Variants in SLC7A8 observed in about 807,000 individuals in gnomAD.
SLC7A8 encodes the protein solute carrier family 7 member 8, also known as large neutral amino acids transporter small subunit 2.
Under a neutral mutation model 51.2 loss-of-function variants are expected in SLC7A8, and 30 were observed. The ratio of observed to expected loss-of-function variants is 0.59; its 90% CI spans 0.44 to 0.80. The LOEUF (loss-of-function observed/expected upper bound fraction) is 0.80, where lower values mean the gene tolerates loss of function less well. Ranked by LOEUF, SLC7A8 falls within the 30% of genes least tolerant of loss-of-function variation. SLC7A8 has a pLI of 0.00. For synonymous variants in SLC7A8, 257 were observed against 275.8 expected (o/e 0.93, Z 0.67); for missense variants, 612 against 674.4 (o/e 0.91, Z 1.03).
At chr14:23,138,064 C>T in intron 6 of SLC7A8, 40 bp from the exon 7 acceptor site, 2 of 1,610,464 alleles carry the variant, frequency 1.2e-6, no homozygotes, top group Non-Finnish European at 1.7e-6. Flanking sequence ...GGAGAGGTCA[C>T]CACTCCCCGA....
chr14:23,169,172 G>T (rs2048963997), intron 1 of SLC7A8, among the ~76,000 whole-genome samples: 1 of 152,100 alleles, frequency 6.6e-6, no homozygotes, highest in Non-Finnish European at 1.5e-5. Context: ...GATATAGGGA[G>T]ATCCTATCTC....
At chr14:23,155,384 CTCTCTTCCCCTTCCT>C (rs1566368130) in intron 3 of SLC7A8, 1 of 1,491,234 alleles carries the variant, frequency 6.7e-7, no homozygotes, top group South Asian at 1.3e-5. Context: ...CTTCCTGGCT[CTCTCTTCCCCTTCCT>C]TCTTATCCTG....
At chr14:23,166,855 A>G (rs1439229311) in intron 1 of SLC7A8, among the ~76,000 whole-genome samples, 1 of 152,206 alleles carries the variant, frequency 6.6e-6, no homozygotes, top group East Asian at 1.9e-4. Flanking sequence ...ATACCAAGTG[A>G]GTTGCCTAGG....
intron 3 of SLC7A8, among the ~76,000 whole-genome samples, chr14:23,150,636 A>T (rs989942317): frequency 2.6e-5 from 4 of 152,188 alleles, no homozygotes; most frequent in Non-Finnish European, 5.9e-5. Flanking sequence ...ATTGTTGCAT[A>T]AAATGTTAAA....
At chr14:23,177,190 G>A (rs1384200734) in intron 1 of SLC7A8, among the ~76,000 whole-genome samples, 3 of 152,226 alleles carry the variant, frequency 2.0e-5, no homozygotes, top group Admixed American at 2.0e-4. Flanking sequence ...AAGTTTAGCT[G>A]AAAGCTGCCT....
At position 23,131,338 on chromosome 14, in the gene SLC7A8, A is replaced by G. The variant is rs917947813; in HGVS notation, c.1113+123T>C. 24 of 681,424 alleles carry G rather than the reference A, an allele frequency of 3.5e-5. No individual in the cohort carries two copies. The African/African-American group carries it at 3.8e-4, about 11-fold the overall frequency. 42.2% of individuals were successfully genotyped at this position (681,424 alleles called of 1,614,324 possible). A position where few individuals can be genotyped will look rare whatever the true frequency, so the allele number is the denominator to read the frequency against. On this transcript the variant is annotated intron_variant, in intron 8 of 10. Coordinates refer to ENST00000316902, the MANE Select transcript of SLC7A8 (RefSeq NM_012244.4). ...TCATTTGCCAGATCCTCTAAGATCC[A>G]GTGAGACCTAGCAGCAGACTGCAAG... is the stretch of plus-strand genomic sequence containing the variant.
chr14:23,154,220 G>A (rs1390704671), intron 3 of SLC7A8: 2 of 997,188 alleles, frequency 2.0e-6, no homozygotes, highest in Non-Finnish European at 2.4e-6. Context: ...ATTTCACCTG[G>A]GTCATGGCCT....
At chr14:23,155,215 A>G in intron 3 of SLC7A8, 1 of 1,535,916 alleles carries the variant, frequency 6.5e-7, no homozygotes, top group Non-Finnish European at 8.7e-7. Context: ...AGGTGCTCTG[A>G]GCCTTCCGGA....
rs540794501 is a variant in SLC7A8, at chr14:23,141,942, T to C, written c.634+1137A>G. On this transcript the variant is annotated intron_variant, in intron 4 of 10. Transcript: ENST00000316902. Reference sequence around the variant, plus strand: ...TTACTTATTCATCTGCAGTTTAGCATTGGGACAGGAAATAAGGAGATTAGT... The same window carrying C: ...TTACTTATTCATCTGCAGTTTAGCACTGGGACAGGAAATAAGGAGATTAGT... Among the ~76,000 whole-genome samples the C allele has an allele frequency of 3.9e-5, 6 of 152,242 alleles. No homozygotes were observed. In the South Asian group the frequency reaches 1.2e-3, roughly 32 times the overall value.
At chr14:23,163,812 A>G (rs560089572) in intron 3 of SLC7A8, among the ~76,000 whole-genome samples, 10 of 152,200 alleles carry the variant, frequency 6.6e-5, no homozygotes, top group African/African-American at 2.4e-4. Flanking sequence ...AAATACCCCA[A>G]TCCATTGAGA....
chr14:23,147,008 G>C (rs1473949214), intron 3 of SLC7A8: 1 of 152,136 alleles, frequency 6.6e-6, no homozygotes, highest in Non-Finnish European at 1.5e-5. Flanking sequence ...CTGAGACACA[G>C]TGACCTCAGG....
At chr14:23,177,882 T>A (rs1292840700) in intron 1 of SLC7A8, among the ~76,000 whole-genome samples, 1 of 152,232 alleles carries the variant, frequency 6.6e-6, no homozygotes, top group Non-Finnish European at 1.5e-5. Flanking sequence ...ATACAATAAG[T>A]ATTCATTCAT....
At chr14:23,155,193 C>T in intron 3 of SLC7A8, 6 of 1,536,006 alleles carry the variant, frequency 3.9e-6, no homozygotes, top group Non-Finnish European at 5.2e-6. Flanking sequence ...GGAACCCCCT[C>T]CAAAGGAGAG....
chr14:23,164,125 A>G (rs2140333883), intron 3 of SLC7A8, among the ~76,000 whole-genome samples: 1 of 152,210 alleles, frequency 6.6e-6, no homozygotes. Flanking sequence ...GGTGTACACC[A>G]CCATGCCTAG....
intron 10 of SLC7A8, 78 bp downstream of exon 10, chr14:23,127,941 G>A: frequency 7.6e-7 from 1 of 1,316,662 alleles, no homozygotes; most frequent in Non-Finnish European, 1.1e-6. Flanking sequence ...TGGCCCTGGT[G>A]GCTCCCCAAC....
chr14:23,165,386 G>T lies in SLC7A8; in HGVS notation c.407C>A (p.Ala136Asp). Residue 136 changes from alanine (A) to aspartate (D), a missense_variant, in exon 3 of 11, where the codon GCT (alanine) becomes GAT (aspartate). By Grantham distance (126) the Ala-to-Asp change is moderately radical (BLOSUM62 -2). Coordinates refer to ENST00000316902, the MANE Select transcript of SLC7A8 (RefSeq NM_012244.4). The surrounding 1 kb of genome is among the most constrained non-coding windows in gnomAD (Gnocchi z 4.2). Reference protein sequence around the residue: ...AVLVIYPTNQAVIALTFSNYV... With the variant: ...AVLVIYPTNQDVIALTFSNYV... ...GTTGGAGAAGGTGAGGGCGATGACA[G>T]CCTGGTTGGTGGGGTAGATCACCAG... 1 of 1,601,362 alleles carries T rather than the reference G, an allele frequency of 6.2e-7. No individual in the cohort carries two copies. The highest frequency in any genetic ancestry group is 1.1e-5 in the South Asian group (1 of 89,104).
In SLC7A8 at chr14:23,127,140, GGGGA is replaced by G; in HGVS notation, c.*33_*36del. 1 of 1,611,672 alleles carries G rather than the reference GGGGA, an allele frequency of 6.2e-7. No homozygotes were observed. Among genetic ancestry groups the G allele is most frequent in the East Asian group, 2.2e-5 (1 of 44,794 alleles). On this transcript the variant is annotated 3_prime_UTR_variant, in exon 11 of 11. Coordinates refer to ENST00000316902, the MANE Select transcript of SLC7A8 (RefSeq NM_012244.4). The stretch of plus-strand genomic sequence containing the variant: ...CCAAGGCAGGGAGGTAGGATAAAAG[GGGGA>G]GGAAGGAGAGAGTAGCCAGGGAATG...
At chr14:23,144,032 GT>G (rs1008125146) in intron 3 of SLC7A8, among the ~76,000 whole-genome samples, 1 of 152,210 alleles carries the variant, frequency 6.6e-6, no homozygotes, top group African/African-American at 2.4e-5. Context: ...AAAGGTATCT[GT>G]TTGTTTTTCC....
At chr14:23,138,331 T>TG (rs1182409869) in intron 6 of SLC7A8, 13 of 279,230 alleles carry the variant, frequency 4.7e-5, no homozygotes, top group African/African-American at 2.4e-4. Context: ...TGCCTAAGAT[T>TG]ACACACCCAG....
Sources: gnomAD v4.1 joint callset for allele counts (sites outside exome capture counted in the v4.1 genomes callset) on GRCh38, gnomAD v4.1.1 for gene constraint, Gnocchi (gnomAD v3.1) non-coding constraint, MANE v1.5 for transcripts, NCBI Gene and HGNC (gene_info 2026-07-23, HGNC 2026-07-21) for gene names.